The following SMAP1 variants were observed in gnomAD, a reference collection of about 807,000 sequenced individuals.
SMAP1 encodes the protein small ArfGAP 1.
In SMAP1, 24 loss-of-function variants were observed where a neutral mutation model predicts 58.5. The ratio of observed to expected loss-of-function variants is 0.41; its 90% confidence interval spans 0.30 to 0.58. The LOEUF (loss-of-function observed/expected upper bound fraction) is 0.58, where lower values mean the gene tolerates loss of function less well. Ranked by LOEUF, SMAP1 falls within the 20% of genes least tolerant of loss-of-function variation. SMAP1 has a pLI of 0.29. For missense variants in SMAP1, 563 were observed against 566.3 expected, an observed-to-expected ratio of 0.99 and a Z score of 0.06; for synonymous variants, 216 against 196.6, an observed-to-expected ratio of 1.10 and a Z score of -0.82.
chr6:70,756,962 C>T (rs568763429), intron 3 of SMAP1, among the ~76,000 whole-genome samples: 42 of 152,178 alleles, frequency 2.8e-4, no homozygotes, highest in African/African-American at 9.9e-4. Flanking sequence ...TTTACAGATT[C>T]AATGCCATCC....
intron 4 of SMAP1, among the ~76,000 whole-genome samples, chr6:70,775,454 G>C (rs868161170): frequency 1.1e-4 from 17 of 152,156 alleles, no homozygotes; most frequent in Middle Eastern, 3.4e-3. Context: ...TGTAATAATG[G>C]TATGCTTAGT....
At chr6:70,817,790 AAAT>A (rs1366627699) in intron 6 of SMAP1, among the ~76,000 whole-genome samples, 1 of 152,152 alleles carries the variant, frequency 6.6e-6, no homozygotes, top group African/African-American at 2.4e-5. Flanking sequence ...AAGCCAATCA[AAAT>A]CTGTAAGGGG....
chr6:70,814,559 G>T (rs1204319664), intron 6 of SMAP1, among the ~76,000 whole-genome samples: 1 of 152,088 alleles, frequency 6.6e-6, no homozygotes, highest in Non-Finnish European at 1.5e-5. Context: ...CTTCAGCTCT[G>T]TGCTGTGTTT....
At chr6:70,750,564 A>G (rs1562132871) in intron 2 of SMAP1, among the ~76,000 whole-genome samples, 1 of 152,214 alleles carries the variant, frequency 6.6e-6, no homozygotes, top group African/African-American at 2.4e-5. Flanking sequence ...GAAATGTTTC[A>G]TATACATTAG....
chr6:70,860,263 C>A lies in SMAP1; in HGVS notation c.1333C>A (p.Pro445Thr), dbSNP rs1461932353. 2 of 1,613,680 alleles carry A rather than the reference C, an allele frequency of 1.2e-6. 1 individual carries two copies. The highest frequency in any genetic ancestry group is 2.2e-5 in the South Asian group (2 of 91,028). ...AACCCCTACTGCAGGTTTTGGCCAG[C>A]CCTCCAGCACAACAGCAGGATGGTC... is the stretch of plus-strand genomic sequence containing the variant. ...SATPTAGFGQ[P>T]SSTTAGWSGS... Residue 445 changes from proline to threonine, a missense_variant, in exon 11 of 11, where the codon CCC becomes ACC. Physicochemically the swap from Pro to Thr is conservative, Grantham distance 38. Transcript: ENST00000370455.
At chr6:70,668,207 C>G in intron 1 of SMAP1, 66 bp downstream of exon 1, 3 of 1,422,494 alleles carry the variant, frequency 2.1e-6, no homozygotes, top group Non-Finnish European at 2.9e-6. Context: ...CCCGCCGCTG[C>G]GGCGCTCGGG....
At chr6:70,844,562 A>G (rs574056580) in intron 7 of SMAP1, among the ~76,000 whole-genome samples, 60 of 152,336 alleles carry the variant, frequency 3.9e-4, no homozygotes, top group African/African-American at 1.4e-3. Context: ...ATTATCTTTT[A>G]AGACCATGTT....
intron 1 of SMAP1, among the ~76,000 whole-genome samples, chr6:70,696,955 A>C (rs1479003095): frequency 2.6e-5 from 4 of 152,148 alleles, no homozygotes; most frequent in African/African-American, 9.6e-5. Context: ...TTGTTATATC[A>C]TCTTGCTGAG....
intron 3 of SMAP1, among the ~76,000 whole-genome samples, chr6:70,763,094 G>GT (rs1460349157): frequency 1.6e-5 from 2 of 124,270 alleles, no homozygotes; most frequent in Non-Finnish European, 3.3e-5. Context: ...TATTTGCACT[G>GT]TACAGATATT....
At chr6:70,811,924 C>T (rs1348100861) in intron 6 of SMAP1, among the ~76,000 whole-genome samples, 3 of 152,086 alleles carry the variant, frequency 2.0e-5, no homozygotes, top group Non-Finnish European at 4.4e-5. Flanking sequence ...TGATTTTGAT[C>T]TGATAGGTGA....
chr6:70,826,844 C>T (rs768759789), intron 6 of SMAP1, among the ~76,000 whole-genome samples: 3 of 146,968 alleles, frequency 2.0e-5, no homozygotes, highest in South Asian at 2.2e-4. Flanking sequence ...GTAGGAGGGT[C>T]GCCTGAGCCC....
At position 70,858,057 on chromosome 6, in the gene SMAP1, T is replaced by C; in HGVS notation, c.1097T>C (p.Met366Thr). The C allele has an allele frequency of 6.2e-7, 1 of 1,614,006 alleles. No homozygotes were observed. Among genetic ancestry groups the C allele is most frequent in the Non-Finnish European group, 8.5e-7 (1 of 1,179,986 alleles). Residue 366 changes from methionine (M) to threonine (T), a missense_variant, in exon 10 of 11, where the codon ATG (methionine) becomes ACG (threonine). Coordinates refer to ENST00000370455, the MANE Select transcript of SMAP1 (RefSeq NM_001044305.3). ...IGNVMGQSPS[M>T]MVGMPMPNGF... ...AATGTGATGGGACAGAGTCCAAGCA[T>C]GATGGTGGGCATGCCCATGCCCAAT...
intron 1 of SMAP1, among the ~76,000 whole-genome samples, chr6:70,697,555 C>T (rs1767458991): frequency 6.6e-6 from 1 of 152,168 alleles, no homozygotes; most frequent in Non-Finnish European, 1.5e-5. Flanking sequence ...ATTTGCCTGC[C>T]TCGGCCTCCC....
At chr6:70,808,311 T>C (rs1769225569) in intron 6 of SMAP1, among the ~76,000 whole-genome samples, 1 of 152,260 alleles carries the variant, frequency 6.6e-6, no homozygotes, top group Admixed American at 6.5e-5. Context: ...AACTTTTTTC[T>C]GTGAAGAACC....
intron 7 of SMAP1, among the ~76,000 whole-genome samples, chr6:70,848,059 C>T (rs923235560): frequency 5.3e-5 from 8 of 152,302 alleles, no homozygotes; most frequent in East Asian, 1.9e-4. Context: ...TAACTGTTTT[C>T]AGCATCTTGG....
chr6:70,793,683 A>C (rs549921296), intron 5 of SMAP1, among the ~76,000 whole-genome samples: 76 of 151,188 alleles, frequency 5.0e-4, no homozygotes, highest in Non-Finnish European at 9.2e-4. Flanking sequence ...AAAGCTTAAA[A>C]ATTTTGGAAA....
chr6:70,697,664 T>C (rs1582019803), intron 1 of SMAP1, among the ~76,000 whole-genome samples: 1 of 152,218 alleles, frequency 6.6e-6, no homozygotes, highest in East Asian at 1.9e-4. Context: ...TTCATTGCTT[T>C]TTATTTTTTA....
intron 1 of SMAP1, among the ~76,000 whole-genome samples, chr6:70,729,245 C>G (rs1765315119): frequency 6.6e-6 from 1 of 152,030 alleles, no homozygotes; most frequent in Non-Finnish European, 1.5e-5. Context: ...CAAGACCATC[C>G]TGGCTAACAT....
chr6:70,843,759 C>T (rs1328310559), intron 7 of SMAP1, among the ~76,000 whole-genome samples: 1 of 152,102 alleles, frequency 6.6e-6, no homozygotes, highest in East Asian at 1.9e-4. Flanking sequence ...CTAGCAGCTT[C>T]GTCTGGGAAA....
Sources: gnomAD v4.1 joint callset for allele counts (sites outside exome capture counted in the v4.1 genomes callset) on GRCh38, gnomAD v4.1.1 for gene constraint, MANE v1.5 for transcripts, NCBI Gene and HGNC (gene_info 2026-07-23, HGNC 2026-07-21) for gene names.